Variants in MIPEP observed in about 807,000 individuals in gnomAD.
MIPEP encodes the protein mitochondrial intermediate peptidase.
MIPEP carries 79 observed loss-of-function variants against 90.3 expected under a neutral mutation model. That is an observed-to-expected ratio of 0.87 (90% CI 0.73 to 1.05). The LOEUF (loss-of-function observed/expected upper bound fraction) is 1.05. Among genes scored for constraint, MIPEP ranks in the 50% least tolerant of loss-of-function variants. The probability of loss-of-function intolerance (pLI) is 0.00; values close to 1 mark genes in which losing one functional copy is unlikely to be tolerated. For synonymous variants in MIPEP, 334 were observed against 315.8 expected (o/e 1.06, Z -0.61); for missense variants, 940 against 905.6 (o/e 1.04, Z -0.49).
intron 10 of MIPEP, among the ~76,000 whole-genome samples, chr13:23,854,258 CTGTT>C (rs144474102): frequency 0.016 from 2,246 of 139,776 alleles, 54 homozygotes; most frequent in African/African-American, 0.057. Flanking sequence ...TGCTCTACTT[CTGTT>C]TGTTTAATTC....
At chr13:23,765,104 C>T (rs1480599581) in intron 16 of MIPEP, among the ~76,000 whole-genome samples, 4 of 150,870 alleles carry the variant, frequency 2.7e-5, no homozygotes, top group Non-Finnish European at 4.4e-5. Flanking sequence ...GTGAAACCTG[C>T]ATCTATGGAG....
intron 11 of MIPEP, 25 bp downstream of exon 11, chr13:23,841,310 T>C (rs1869284578): frequency 6.3e-7 from 1 of 1,592,214 alleles, no homozygotes. Flanking sequence ...TGCCTGCAAC[T>C]GCAGGCTGAG....
At chr13:23,876,583 T>C (rs999830892) in intron 4 of MIPEP, among the ~76,000 whole-genome samples, 1 of 146,002 alleles carries the variant, frequency 6.8e-6, no homozygotes, top group Non-Finnish European at 1.5e-5. Flanking sequence ...CCCATTTTTC[T>C]ATAAGGGGGG....
Position 23,854,747 on chromosome 13 carries a change from C to T in MIPEP, c.1106+4113G>A, listed in dbSNP as rs374874265. 1.9e-4 allele frequency among the ~76,000 whole-genome samples: 29 copies of T among 152,034 alleles called. No individual in the cohort carries two copies. In the East Asian group the frequency reaches 2.5e-3, roughly 13 times the overall value. On this transcript the variant is annotated intron_variant, in intron 10 of 18. Transcript: ENST00000382172. ...TCTCTACTAAAAATACAAAAATTAG[C>T]TGGGTGTGGTGGTGCATGCCTGTAA...
At chr13:23,847,457 T>G (rs1306155920) in intron 10 of MIPEP, among the ~76,000 whole-genome samples, 1 of 68,310 alleles carries the variant, frequency 1.5e-5, no homozygotes. Flanking sequence ...GGATCTCAAA[T>G]CCAAGCTAAA....
intron 16 of MIPEP, among the ~76,000 whole-genome samples, chr13:23,792,545 A>G (rs989747928): frequency 6.6e-6 from 1 of 152,104 alleles, no homozygotes; most frequent in Non-Finnish European, 1.5e-5. Flanking sequence ...ATGCCCAGAT[A>G]ATTTTTTAGT....
intron 7 of MIPEP, among the ~76,000 whole-genome samples, chr13:23,866,170 C>T (rs546081702): frequency 7.2e-5 from 11 of 152,236 alleles, no homozygotes; most frequent in East Asian, 5.8e-4. Flanking sequence ...TCCCTCAGGG[C>T]GCCTTCCACA....
Position 23,773,054 on chromosome 13 carries a change from T to C in MIPEP, c.1849-12837A>G, listed in dbSNP as rs529132634. Among the ~76,000 whole-genome samples the C allele has an allele frequency of 1.6e-4, 25 of 152,310 alleles. No individual in the cohort carries two copies. In the Middle Eastern group the frequency reaches 0.014, roughly 83 times the overall value. ...AATGGTTTTCAGTATATTCACAAAATTGTGCAACCATCGTCACTAACTCCA... is the reference window on the plus strand; with the variant it reads ...AATGGTTTTCAGTATATTCACAAAACTGTGCAACCATCGTCACTAACTCCA... On this transcript the variant is annotated intron_variant, in intron 16 of 18. Coordinates refer to ENST00000382172, the MANE Select transcript of MIPEP (RefSeq NM_005932.4).
At chr13:23,793,784 A>C (rs1369778609) in intron 16 of MIPEP, among the ~76,000 whole-genome samples, 1 of 151,660 alleles carries the variant, frequency 6.6e-6, no homozygotes, top group African/African-American at 2.4e-5. Flanking sequence ...ATGATGGTTC[A>C]AGCAGAAGGC....
chr13:23,808,525 CCT>C (rs1293122215), intron 15 of MIPEP, among the ~76,000 whole-genome samples: 1 of 152,156 alleles, frequency 6.6e-6, no homozygotes, highest in South Asian at 2.1e-4. Flanking sequence ...CAGGACTTTG[CCT>C]CTCTCTGTCT....
chr13:23,850,311 ATT>A (rs201265111), intron 10 of MIPEP, among the ~76,000 whole-genome samples: 1,565 of 152,304 alleles, frequency 0.01, 10 homozygotes, highest in Non-Finnish European at 0.019. Flanking sequence ...CTACTGTTTT[ATT>A]TGGTTACATA....
chr13:23,760,270 G>A, intron 16 of MIPEP, 53 bp from the exon 17 acceptor site: 2 of 1,612,272 alleles, frequency 1.2e-6, no homozygotes, highest in South Asian at 2.2e-5. Context: ...TCCACTTGGA[G>A]AATATCACAT....
rs78107943 is a variant in MIPEP at position 23,847,611 on chromosome 13, G to A, written c.1107-6123C>T. Among the ~76,000 whole-genome samples, 995 of 152,266 alleles carry A rather than the reference G, an allele frequency of 6.5e-3. 10 individuals carry two copies. Among genetic ancestry groups the A allele is most frequent in the African/African-American group, 0.022 (935 of 41,556 alleles). On this transcript the variant is annotated intron_variant, in intron 10 of 18. Transcript: ENST00000382172. ...TGACAGGCCTATAAACCAGACTGTA[G>A]CTATTAGAAAGAGGAGGCATCAGGA...
At chr13:23,734,999 G>A (rs1417696767) in intron 18 of MIPEP, among the ~76,000 whole-genome samples, 2 of 152,176 alleles carry the variant, frequency 1.3e-5, no homozygotes, top group African/African-American at 2.4e-5. Context: ...CAAACATGGC[G>A]ATTCCTGTGG....
intron 14 of MIPEP, among the ~76,000 whole-genome samples, chr13:23,827,790 T>A (rs1009681661): frequency 6.6e-6 from 1 of 152,072 alleles, no homozygotes; most frequent in African/African-American, 2.4e-5. Flanking sequence ...AAATTAGCCA[T>A]GTGTGGTGGC....
chr13:23,881,503 C>G (rs12860146), intron 3 of MIPEP, among the ~76,000 whole-genome samples, 196 bp downstream of exon 3: 1 of 152,246 alleles, frequency 6.6e-6, no homozygotes, highest in African/African-American at 2.4e-5. Context: ...ACAACCAGCC[C>G]TAAGGCCCAG....
chr13:23,753,130 A>G (rs1247548715), intron 18 of MIPEP, among the ~76,000 whole-genome samples: 1 of 151,406 alleles, frequency 6.6e-6, no homozygotes, highest in African/African-American at 2.4e-5. Flanking sequence ...CAGGAGGCTG[A>G]GGCAGGAGAA....
chr13:23,758,909 T>C (rs1239479903), intron 17 of MIPEP, among the ~76,000 whole-genome samples: 3 of 152,166 alleles, frequency 2.0e-5, no homozygotes, highest in African/African-American at 7.2e-5. Context: ...AACAAACTGT[T>C]TTCTCTGAGC....
chr13:23,733,366 C>T (rs942467198), intron 18 of MIPEP, among the ~76,000 whole-genome samples: 2 of 151,952 alleles, frequency 1.3e-5, no homozygotes, highest in African/African-American at 4.8e-5. Context: ...AGTGGTCTGG[C>T]GGGTAGAGTA....
Sources: gnomAD v4.1 joint callset for allele counts (sites outside exome capture counted in the v4.1 genomes callset) on GRCh38, gnomAD v4.1.1 for gene constraint, MANE v1.5 for transcripts, NCBI Gene and HGNC (gene_info 2026-07-23, HGNC 2026-07-21) for gene names.